The following GOLGA8A variants were observed in gnomAD, a reference collection of about 807,000 sequenced individuals.
The protein encoded by GOLGA8A is golgin subfamily A member 8A.
Under a neutral mutation model 22.1 loss-of-function variants are expected in GOLGA8A, and 3 were observed. That is an observed-to-expected ratio of 0.14 (90% CI 0.06 to 0.35). The LOEUF (loss-of-function observed/expected upper bound fraction) is 0.35, where lower values mean the gene tolerates loss of function less well. GOLGA8A is among the 10% of genes least tolerant of loss of function. GOLGA8A has a pLI of 1.00. For synonymous variants in GOLGA8A, 7 were observed against 91.7 expected (o/e 0.08, Z 5.28); for missense variants, 16 against 233.2 (o/e 0.07, Z 6.07).
At chr15:34,420,642 T>C (rs372259937) in intron 2 of GOLGA8A, among the ~76,000 whole-genome samples, 11,350 of 131,114 alleles carry the variant, frequency 0.087, 246 homozygotes, top group South Asian at 0.23. Flanking sequence ...TGAGTTTCTT[T>C]CTGAAACTTG....
chr15:34,393,575 C>CT (rs559620152), intron 8 of GOLGA8A, among the ~76,000 whole-genome samples: 1,601 of 147,610 alleles, frequency 0.011, 6 homozygotes, highest in African/African-American at 0.036. Context: ...AGACCTTGAT[C>CT]TTTTTTGTGT....
chr15:34,433,639 C>G (rs1893356146), intron 2 of GOLGA8A, among the ~76,000 whole-genome samples: 1 of 148,962 alleles, frequency 6.7e-6, no homozygotes, highest in Non-Finnish European at 1.5e-5. Context: ...AAAGGAGGCA[C>G]AGGCAGCAGG....
In GOLGA8A at chr15:34,430,931, C is replaced by T. The variant is rs536167662; in HGVS notation, c.-1123+4452G>A. ...TGGCCCCACTGCACCACACCCGTGA[C>T]AGCTGCCACCAGCTCCGGATAATTC... On this transcript the variant is annotated intron_variant, in intron 2 of 24. Transcript: ENST00000359187. 4.7e-5 allele frequency among the ~76,000 whole-genome samples: 7 copies of T among 149,430 alleles called. 1 individual carries two copies. In the East Asian group the frequency reaches 1.4e-3, roughly 30 times the overall value.
In GOLGA8A at chr15:34,421,193, G is replaced by GC. The variant is rs1214474476; in HGVS notation, c.-1122-13459dup. On this transcript the variant is annotated intron_variant, in intron 2 of 24. Coordinates refer to ENST00000359187, the MANE Select transcript of GOLGA8A (RefSeq NM_181077.5). ...GTCTGACATTTGCTCTGGGAGATGA[G>GC]CCAGGGTCTGCCCAGGCCACCACGG... Among the ~76,000 whole-genome samples the GC allele has an allele frequency of 3.5e-5, 5 of 143,740 alleles. 1 individual carries two copies. Among genetic ancestry groups the GC allele is most frequent in the African/African-American group, 7.6e-5 (3 of 39,306 alleles). 94.3% of individuals were successfully genotyped at this position (143,740 alleles called of 152,430 possible).
At chr15:34,437,110 G>A (rs1443869608) in intron 1 of GOLGA8A, among the ~76,000 whole-genome samples, 1 of 147,744 alleles carries the variant, frequency 6.8e-6, no homozygotes. Flanking sequence ...CCCTCGCCGC[G>A]GTGAGCCCCT....
At chr15:34,385,996 CTT>C (rs1451024123) in intron 12 of GOLGA8A, among the ~76,000 whole-genome samples, 1 of 137,342 alleles carries the variant, frequency 7.3e-6, no homozygotes, top group African/African-American at 3.3e-5. Context: ...TCAGGAATCT[CTT>C]GAGAGGACAG....
chr15:34,408,254 CACT>C (rs1427878642), intron 2 of GOLGA8A, among the ~76,000 whole-genome samples: 5 of 4,702 alleles, frequency 1.1e-3, no homozygotes, highest in African/African-American at 3.7e-3. Context: ...ACACCACAAA[CACT>C]ACACCACGCA....
chr15:34,424,419 G>T (rs1271640839), intron 2 of GOLGA8A, among the ~76,000 whole-genome samples: 2 of 141,300 alleles, frequency 1.4e-5, no homozygotes, highest in Non-Finnish European at 3.1e-5. Flanking sequence ...GATGGCAAAT[G>T]ATTCTCCAAT....
rs2140188683 is a variant in GOLGA8A at position 34,380,059 on chromosome 15, A to G, written c.*1352T>C. 2 of 152,732 alleles carry G rather than the reference A, an allele frequency of 1.3e-5. No homozygotes were observed. Among genetic ancestry groups the G allele is most frequent in the Middle Eastern group, 6.8e-3 (2 of 294 alleles). 9.5% of individuals were successfully genotyped at this position (152,732 alleles called of 1,614,324 possible). On this transcript the variant is annotated 3_prime_UTR_variant, in exon 25 of 25. Coordinates refer to ENST00000359187, the MANE Select transcript of GOLGA8A (RefSeq NM_181077.5). ...TTTAAGTTGCATAAACTTCTCCTTG[A>G]TTTTCAAAGATAATATAATACTGTC...
chr15:34,431,412 AC>A (rs1388183831), intron 2 of GOLGA8A, among the ~76,000 whole-genome samples: 2 of 143,156 alleles, frequency 1.4e-5, no homozygotes, highest in East Asian at 4.1e-4. Flanking sequence ...TCACACACAC[AC>A]TCATGCGTCA....
rs1205488756 is a variant in GOLGA8A, at chr15:34,425,086, A to AAAAATAAAT, written c.-1123+10288_-1123+10296dup. On this transcript the variant is annotated intron_variant, in intron 2 of 24. Transcript: ENST00000359187. Reference sequence around the variant, plus strand: ...TGGGTGACAAAGTAAGACAGTCTCAAAAAATAAATAAAATAAATAAAATAA... The same window carrying AAAAATAAAT: ...TGGGTGACAAAGTAAGACAGTCTCAAAAAATAAATAAAATAAATAAAATAAATAAAATAA... 1.4e-3 allele frequency among the ~76,000 whole-genome samples: 205 copies of AAAAATAAAT among 145,974 alleles called. 8 individuals are homozygous for AAAAATAAAT. The highest frequency in any genetic ancestry group is 2.1e-3 in the Non-Finnish European group (137 of 66,038).
At chr15:34,435,211 C>T (rs1016005548) in intron 2 of GOLGA8A, among the ~76,000 whole-genome samples, 172 bp downstream of exon 2, 1 of 149,302 alleles carries the variant, frequency 6.7e-6, no homozygotes, top group Admixed American at 6.7e-5. Context: ...CTCCCCACTC[C>T]AACAGCCCTC....
intron 2 of GOLGA8A, chr15:34,429,037 G>A (rs1212686740): frequency 2.7e-5 from 4 of 147,308 alleles, no homozygotes; most frequent in East Asian, 2.0e-4. Flanking sequence ...GCAGTGCCTC[G>A]GCCAGACACC....
At chr15:34,420,181 G>A (rs1413144058) in intron 2 of GOLGA8A, 30 of 146,574 alleles carry the variant, frequency 2.0e-4, no homozygotes, top group Non-Finnish European at 3.8e-4. Flanking sequence ...CCAGGAGAGC[G>A]GTGTCAGGCA....
rs139017182 is a variant in GOLGA8A, at chr15:34,418,478, T to C, written c.-1122-10743A>G. On this transcript the variant is annotated intron_variant, in intron 2 of 24. Coordinates refer to ENST00000359187, the MANE Select transcript of GOLGA8A (RefSeq NM_181077.5). ...TTCTGCAGGTACTTTTGCAAGTGTG[T>C]AGGGAGAGATGAGAAGTTCCAAGGA... The C allele has an allele frequency of 4.2e-4, 61 of 144,242 alleles. 13 individuals carry two copies. The East Asian group carries it at 0.01, about 25-fold the overall frequency. 8.9% of individuals were successfully genotyped at this position (144,242 alleles called of 1,614,324 possible).
chr15:34,381,227 G>A lies in GOLGA8A; in HGVS notation c.*184C>T, dbSNP rs1891472321. On this transcript the variant is annotated 3_prime_UTR_variant, in exon 25 of 25. Transcript: ENST00000359187. The stretch of plus-strand genomic sequence containing the variant: ...AGGATGCCAGAGTGAACATCAGTGA[G>A]AGCCACAGAGACCCACTCTCTTTTA... 1.9e-6 allele frequency: 2 copies of A among 1,072,646 alleles called. No homozygotes were observed. The highest frequency in any genetic ancestry group is 1.5e-5 in the South Asian group (1 of 67,282). 66.4% of individuals were successfully genotyped at this position (1,072,646 alleles called of 1,614,324 possible).
intron 2 of GOLGA8A, among the ~76,000 whole-genome samples, chr15:34,420,534 G>C (rs548493384): frequency 0.023 from 3,238 of 141,514 alleles, 128 homozygotes; most frequent in African/African-American, 0.081. Context: ...TGAGGATGGA[G>C]GTGTCACTGC....
intron 2 of GOLGA8A, chr15:34,429,046 C>A (rs1258414653): frequency 1.4e-5 from 2 of 147,314 alleles, no homozygotes; most frequent in African/African-American, 2.5e-5. Context: ...CGGCCAGACA[C>A]CTGCCCCCGC....
At chr15:34,435,076 G>A (rs868295112) in intron 2 of GOLGA8A, among the ~76,000 whole-genome samples, 2 of 149,398 alleles carry the variant, frequency 1.3e-5, no homozygotes, top group East Asian at 2.0e-4. Flanking sequence ...TTCAGACGAC[G>A]GTGTCACCTG....
Sources: gnomAD v4.1 joint callset for allele counts (sites outside exome capture counted in the v4.1 genomes callset) on GRCh38, gnomAD v4.1.1 for gene constraint, MANE v1.5 for transcripts, NCBI Gene and HGNC (gene_info 2026-07-23, HGNC 2026-07-21) for gene names.